GRM7: variants seen among roughly 807,000 people sequenced by gnomAD.
GRM7 encodes metabotropic glutamate receptor 7.
Under a neutral mutation model 84.5 loss-of-function variants are expected in GRM7, and 35 were observed. That is an observed-to-expected ratio of 0.41 (90% confidence interval 0.32 to 0.55). The LOEUF (loss-of-function observed/expected upper bound fraction) is 0.55. Among genes scored for constraint, GRM7 ranks in the 20% least tolerant of loss-of-function variants. GRM7 has a pLI of 0.19. For missense variants in GRM7, 1,003 were observed against 1,194.6 expected (o/e 0.84, Z 2.36); for synonymous variants, 487 against 455.1 (o/e 1.07, Z -0.89).
intron 1 of GRM7, among the ~76,000 whole-genome samples, chr3:6,941,628 G>A (rs769161148): frequency 2.3e-4 from 35 of 152,178 alleles, no homozygotes; most frequent in Non-Finnish European, 4.3e-4. Flanking sequence ...AGGTCAAAAA[G>A]GCATTCTAAA....
At chr3:7,395,796 C>G (rs1695188988) in intron 4 of GRM7, among the ~76,000 whole-genome samples, 1 of 152,134 alleles carries the variant, frequency 6.6e-6, no homozygotes, top group African/African-American at 2.4e-5. Flanking sequence ...ATTACCTAGT[C>G]TCAGGTATGT....
intron 2 of GRM7, among the ~76,000 whole-genome samples, chr3:7,227,039 A>G (rs1018340448): frequency 1.3e-5 from 2 of 152,200 alleles, no homozygotes; most frequent in African/African-American, 2.4e-5. Flanking sequence ...TAGAGATTAG[A>G]AGAAAAGAGA....
Position 7,486,410 on chromosome 3 carries a change from A to G in GRM7, c.1515+24688A>G, listed in dbSNP as rs1187171631. Among the ~76,000 whole-genome samples, 1 of 152,126 alleles carries G rather than the reference A, an allele frequency of 6.6e-6. No individual in the cohort carries two copies. The highest frequency in any genetic ancestry group is 2.4e-5 in the African/African-American group (1 of 41,436). ...GTTTTGCTGTTGAGGCTTGGTCTCCAATGTGGCAGTGTTGGGAGATGATAC... is the reference window on the plus strand; with the variant it reads ...GTTTTGCTGTTGAGGCTTGGTCTCCGATGTGGCAGTGTTGGGAGATGATAC... On this transcript the variant is annotated intron_variant, in intron 7 of 9. Transcript: ENST00000357716. The surrounding 1 kb of genome is among the most constrained non-coding windows in gnomAD (Gnocchi z 5.5).
At chr3:7,148,144 C>T (rs905028810) in intron 2 of GRM7, among the ~76,000 whole-genome samples, 4 of 152,152 alleles carry the variant, frequency 2.6e-5, no homozygotes, top group Non-Finnish European at 4.4e-5. Flanking sequence ...TTATAGGACT[C>T]ATTAACTATT....
At chr3:6,899,071 A>T (rs1696295195) in intron 1 of GRM7, among the ~76,000 whole-genome samples, 1 of 152,188 alleles carries the variant, frequency 6.6e-6, no homozygotes, top group South Asian at 2.1e-4. Flanking sequence ...GGATCTAATA[A>T]GAAATAGAGG....
chr3:7,726,311 C>T (rs988083221), intron 9 of GRM7, among the ~76,000 whole-genome samples: 2 of 151,924 alleles, frequency 1.3e-5, no homozygotes, highest in Non-Finnish European at 2.9e-5. Context: ...AGGGATGTGG[C>T]TACTCAGGCC....
At chr3:7,683,901 A>C (rs1057326208) in intron 9 of GRM7, among the ~76,000 whole-genome samples, 1 of 151,154 alleles carries the variant, frequency 6.6e-6, no homozygotes, top group Non-Finnish European at 1.5e-5. Context: ...ATAGCTCCCA[A>C]AGTTTTAGCA....
intron 3 of GRM7, 44 bp from the exon 4 acceptor site, chr3:7,306,454 A>G: frequency 6.4e-7 from 1 of 1,555,214 alleles, no homozygotes; most frequent in Non-Finnish European, 8.9e-7. Context: ...GATTCAGCTG[A>G]CGTTCTTTAT....
intron 5 of GRM7, among the ~76,000 whole-genome samples, chr3:7,435,309 G>A (rs934590236): frequency 2.0e-5 from 3 of 151,806 alleles, no homozygotes; most frequent in Admixed American, 6.6e-5. Flanking sequence ...GACTACAGGT[G>A]TGTGCCACCA....
intron 4 of GRM7, among the ~76,000 whole-genome samples, chr3:7,350,891 G>C (rs1177484831): frequency 6.6e-6 from 1 of 152,064 alleles, no homozygotes; most frequent in East Asian, 1.9e-4. Flanking sequence ...TGAGGCATAA[G>C]AGTGCAAGAC....
At chr3:7,028,184 G>A (rs763571590) in intron 1 of GRM7, among the ~76,000 whole-genome samples, 3 of 152,130 alleles carry the variant, frequency 2.0e-5, no homozygotes, top group Non-Finnish European at 4.4e-5. Context: ...CATTTACAAA[G>A]TCAGCTTACT....
At chr3:7,059,294 T>A (rs1371056739) in intron 1 of GRM7, among the ~76,000 whole-genome samples, 1 of 151,834 alleles carries the variant, frequency 6.6e-6, no homozygotes, top group Non-Finnish European at 1.5e-5. Context: ...GCAAAAATTA[T>A]CTATCAATGA....
intron 1 of GRM7, among the ~76,000 whole-genome samples, chr3:6,934,773 G>A (rs1025399005): frequency 8.5e-5 from 13 of 152,090 alleles, no homozygotes; most frequent in African/African-American, 2.2e-4. Context: ...AATATCAATA[G>A]AACTAGATGA....
intron 1 of GRM7, among the ~76,000 whole-genome samples, chr3:6,984,654 G>A (rs670764): frequency 0.63 from 95,142 of 151,952 alleles, 30,420 homozygotes; most frequent in African/African-American, 0.77. Flanking sequence ...TAGTGACACA[G>A]ATGTTTTTCT....
At chr3:7,728,332 A>G (rs1452712817) in intron 9 of GRM7, among the ~76,000 whole-genome samples, 1 of 152,218 alleles carries the variant, frequency 6.6e-6, no homozygotes, top group Non-Finnish European at 1.5e-5. Flanking sequence ...AGACCAACTC[A>G]CAATTGTAAA....
At chr3:7,670,967 T>A (rs1317318693) in intron 8 of GRM7, among the ~76,000 whole-genome samples, 2 of 152,202 alleles carry the variant, frequency 1.3e-5, no homozygotes, top group African/African-American at 2.4e-5. Context: ...CTTTTGTACA[T>A]TAAATCACTG....
At chr3:6,923,749 G>A (rs1416035934) in intron 1 of GRM7, among the ~76,000 whole-genome samples, 1 of 152,106 alleles carries the variant, frequency 6.6e-6, no homozygotes, top group Non-Finnish European at 1.5e-5. Context: ...CATTTGATGT[G>A]TTTTTCCCTG....
chr3:7,070,378 G>T (rs1237337907), intron 1 of GRM7, among the ~76,000 whole-genome samples: 1 of 152,024 alleles, frequency 6.6e-6, no homozygotes, highest in Non-Finnish European at 1.5e-5. Flanking sequence ...CATTCCATAT[G>T]CTTAACACTT....
intron 2 of GRM7, among the ~76,000 whole-genome samples, chr3:7,247,380 T>C (rs1697804416): frequency 6.6e-6 from 1 of 151,982 alleles, no homozygotes; most frequent in Non-Finnish European, 1.5e-5. Flanking sequence ...GAGACCAGCT[T>C]GGGCAAAATG....
Sources: allele counts gnomAD v4.1 joint callset (sites outside exome capture counted in the v4.1 genomes callset), GRCh38; gene constraint gnomAD v4.1.1; non-coding constraint Gnocchi (gnomAD v3.1); transcripts MANE v1.5; gene names NCBI Gene and HGNC (gene_info 2026-07-23, HGNC 2026-07-21).